The following THEMIS variants were observed in gnomAD, a reference collection of about 807,000 sequenced individuals.
THEMIS encodes thymocyte selection associated.
Under a neutral mutation model 52.6 loss-of-function variants are expected in THEMIS, and 37 were observed. The observed-to-expected ratio is 0.70, with a 90% CI of 0.54 to 0.93. The LOEUF is 0.93. Ranked by LOEUF, THEMIS falls within the 40% of genes least tolerant of loss-of-function variation. The probability of loss-of-function intolerance (pLI) is 0.00; values close to 1 mark genes in which losing one functional copy is unlikely to be tolerated. For synonymous variants in THEMIS, 292 were observed against 272.7 expected (o/e 1.07, Z -0.70); for missense variants, 808 against 763.1 (o/e 1.06, Z -0.69).
chr6:127,900,938 T>G lies in THEMIS; in HGVS notation c.-6A>C. ...TCTTCCAGTGATAATGCCATTGCTA[T>G]GCCTTGGGTAGTTTGTAGACCTGGT... On this transcript the variant is annotated 5_prime_UTR_variant, in exon 1 of 6. Transcript: ENST00000368248. 1 of 1,611,952 alleles carries G rather than the reference T, an allele frequency of 6.2e-7. No individual in the cohort carries two copies. The highest frequency in any genetic ancestry group is 1.1e-5 in the South Asian group (1 of 91,030).
At chr6:127,761,418 T>C (rs564991536) in intron 4 of THEMIS, among the ~76,000 whole-genome samples, 1 of 152,288 alleles carries the variant, frequency 6.6e-6, no homozygotes, top group South Asian at 2.1e-4. Context: ...GTTCCTGCTT[T>C]AGGGGGCTAG....
At chr6:127,805,622 T>C (rs1777676373) in intron 4 of THEMIS, among the ~76,000 whole-genome samples, 2 of 152,236 alleles carry the variant, frequency 1.3e-5, no homozygotes, top group South Asian at 4.1e-4. Flanking sequence ...CATTCTTTCA[T>C]AGCCATCTTG....
At chr6:127,806,259 G>T (rs1410886059) in intron 4 of THEMIS, among the ~76,000 whole-genome samples, 1 of 152,002 alleles carries the variant, frequency 6.6e-6, no homozygotes, top group African/African-American at 2.4e-5. Context: ...GTCCAAATTT[G>T]CTCAAGCTTT....
chr6:127,848,434 A>T (rs1287198822), intron 2 of THEMIS, among the ~76,000 whole-genome samples: 3 of 151,994 alleles, frequency 2.0e-5, no homozygotes, highest in Admixed American at 6.6e-5. Flanking sequence ...CTTTGGGTAT[A>T]TACCCAGTAA....
At chr6:127,723,914 C>T (rs1774450556) in intron 4 of THEMIS, among the ~76,000 whole-genome samples, 1 of 152,052 alleles carries the variant, frequency 6.6e-6, no homozygotes, top group Non-Finnish European at 1.5e-5. Flanking sequence ...AAAGTAAAAA[C>T]TATGCATGCC....
At chr6:127,762,534 A>G (rs985759911) in intron 4 of THEMIS, among the ~76,000 whole-genome samples, 1 of 151,984 alleles carries the variant, frequency 6.6e-6, no homozygotes, top group African/African-American at 2.4e-5. Flanking sequence ...AAAATATACT[A>G]CCATTCATCT....
chr6:127,793,208 G>C (rs1325355739), intron 4 of THEMIS, among the ~76,000 whole-genome samples: 1 of 152,148 alleles, frequency 6.6e-6, no homozygotes, highest in Non-Finnish European at 1.5e-5. Flanking sequence ...GCAGACAATG[G>C]GTCCCAGTTG....
intron 4 of THEMIS, among the ~76,000 whole-genome samples, chr6:127,722,765 C>T (rs1023156578): frequency 2.6e-5 from 4 of 151,918 alleles, no homozygotes; most frequent in African/African-American, 7.3e-5. Flanking sequence ...AACTGTGTGC[C>T]GTCTCCCTTC....
intron 4 of THEMIS, among the ~76,000 whole-genome samples, chr6:127,803,613 T>C (rs1418093157): frequency 6.6e-6 from 1 of 152,184 alleles, no homozygotes; most frequent in Non-Finnish European, 1.5e-5. Context: ...TTAGTTCTAC[T>C]TCCTGAAACT....
At chr6:127,843,780 A>G (rs1779126540) in intron 2 of THEMIS, among the ~76,000 whole-genome samples, 1 of 151,918 alleles carries the variant, frequency 6.6e-6, no homozygotes, top group Non-Finnish European at 1.5e-5. Context: ...GACTGGTTTC[A>G]GTCTTGGGCT....
chr6:127,755,100 C>T (rs1037523180), intron 4 of THEMIS, among the ~76,000 whole-genome samples: 2 of 151,902 alleles, frequency 1.3e-5, no homozygotes, highest in African/African-American at 4.8e-5. Context: ...CTGCTGTATA[C>T]AAGGCATCTT....
intron 1 of THEMIS, among the ~76,000 whole-genome samples, chr6:127,896,880 A>G (rs902179179): frequency 1.3e-5 from 2 of 151,638 alleles, no homozygotes; most frequent in South Asian, 2.1e-4. Flanking sequence ...TCTGTAGCAT[A>G]TTATTAAATA....
intron 2 of THEMIS, among the ~76,000 whole-genome samples, chr6:127,837,513 G>A (rs1413303908): frequency 6.6e-6 from 1 of 151,914 alleles, no homozygotes; most frequent in Non-Finnish European, 1.5e-5. Flanking sequence ...TATATATGAG[G>A]AAATTGTTAA....
chr6:127,739,462 G>A (rs1345428128), intron 4 of THEMIS, among the ~76,000 whole-genome samples: 2 of 151,988 alleles, frequency 1.3e-5, no homozygotes, highest in Admixed American at 1.3e-4. Context: ...CCTGGCTAAA[G>A]TAGACCATCT....
intron 1 of THEMIS, among the ~76,000 whole-genome samples, chr6:127,912,623 G>T (rs1781437544): frequency 6.6e-6 from 1 of 152,058 alleles, no homozygotes; most frequent in South Asian, 2.1e-4. Flanking sequence ...AACCAGAATT[G>T]GTCTGAGAAG....
intron 4 of THEMIS, among the ~76,000 whole-genome samples, chr6:127,787,617 T>G (rs1440083349): frequency 6.6e-6 from 1 of 152,178 alleles, no homozygotes; most frequent in African/African-American, 2.4e-5. Flanking sequence ...GTTTTTTGAA[T>G]GTATCATAGA....
At position 127,915,574 on chromosome 6, in the gene THEMIS, G is replaced by T. The variant is rs566233411; in HGVS notation, c.-150+2854C>A. Among the ~76,000 whole-genome samples, 2 of 125,984 alleles carry T rather than the reference G, an allele frequency of 1.6e-5. 1 individual carries two copies. The highest frequency in any genetic ancestry group is 5.2e-4 in the South Asian group (2 of 3,872). 82.7% of individuals were successfully genotyped at this position (125,984 alleles called of 152,430 possible). A position where few individuals can be genotyped will look rare whatever the true frequency, so the allele number is the denominator to read the frequency against. ...AGGGGGCTAGGGGTGGGGAGAGAGA[G>T]GGTCAGAGAGAAAGAGAGAGAGAGA... On this transcript the variant is annotated intron_variant, in intron 1 of 6. Coordinates refer to the THEMIS transcript ENST00000368250.
At chr6:127,798,556 G>A (rs144767323) in intron 4 of THEMIS, among the ~76,000 whole-genome samples, 4 of 152,120 alleles carry the variant, frequency 2.6e-5, no homozygotes, top group Non-Finnish European at 5.9e-5. Flanking sequence ...ATTATTCTCT[G>A]AGCTTCAGTG....
intron 1 of THEMIS, among the ~76,000 whole-genome samples, chr6:127,883,920 T>TTA (rs1189069922): frequency 4.6e-5 from 7 of 151,954 alleles, no homozygotes; most frequent in African/African-American, 7.3e-5. Context: ...AGCATCTGTG[T>TTA]TATATATATA....
Sources: gnomAD v4.1 joint callset for allele counts (sites outside exome capture counted in the v4.1 genomes callset) on GRCh38, gnomAD v4.1.1 for gene constraint, MANE v1.5 for transcripts, NCBI Gene and HGNC (gene_info 2026-07-23, HGNC 2026-07-21) for gene names.